VWA3B: variants seen among roughly 807,000 people sequenced by gnomAD.
VWA3B encodes von Willebrand factor A domain-containing protein 3B.
Under a neutral mutation model 158.3 loss-of-function variants are expected in VWA3B, and 138 were observed. That is an observed-to-expected ratio of 0.87 (90% CI 0.76 to 1.00). The LOEUF (loss-of-function observed/expected upper bound fraction) is 1.00, where lower values mean the gene tolerates loss of function less well. Ranked by LOEUF, VWA3B falls within the 50% of genes least tolerant of loss-of-function variation. VWA3B has a pLI of 0.00. For missense variants in VWA3B, 1,555 were observed against 1,565.1 expected (o/e 0.99, Z 0.11); for synonymous variants, 596 against 587.3 (o/e 1.01, Z -0.21).
At chr2:98,235,063 AT>A (rs1685588018) in intron 17 of VWA3B, among the ~76,000 whole-genome samples, 1 of 151,476 alleles carries the variant, frequency 6.6e-6, no homozygotes, top group Non-Finnish European at 1.5e-5. Flanking sequence ...TTCATAGTTG[AT>A]TTTTTTTCTT....
rs755154285 is a variant in VWA3B, at chr2:98,093,080, T to A, written c.-13T>A. On this transcript the variant is annotated 5_prime_UTR_variant, in exon 2 of 28. Coordinates refer to ENST00000477737, the MANE Select transcript of VWA3B (RefSeq NM_144992.5). The stretch of plus-strand genomic sequence containing the variant: ...TTACAGGAGTTTGCTGTGACTTAGA[T>A]CTTGATTCAGAGATGGAGAAATCAG... 1 of 1,611,914 alleles carries A rather than the reference T, an allele frequency of 6.2e-7. No individual in the cohort carries two copies. The highest frequency in any genetic ancestry group is 1.7e-5 in the Admixed American group (1 of 59,892).
At chr2:98,100,956 ACTGGAAAG>A (rs1683036574) in intron 2 of VWA3B, among the ~76,000 whole-genome samples, 3 of 152,168 alleles carry the variant, frequency 2.0e-5, no homozygotes, top group Non-Finnish European at 4.4e-5. Context: ...GGGGACAATC[ACTGGAAAG>A]TCCTGTTTTG....
chr2:98,234,864 T>G, intron 17 of VWA3B, 97 bp downstream of exon 17: 1 of 1,522,096 alleles, frequency 6.6e-7, no homozygotes, highest in Non-Finnish European at 8.8e-7. Context: ...GGAAATCATA[T>G]TTTAAATGGG....
chr2:98,093,058 C>A lies in VWA3B; in HGVS notation c.-32-3C>A, dbSNP rs1682461769. 2 of 1,601,854 alleles carry A rather than the reference C, an allele frequency of 1.2e-6. No individual in the cohort carries two copies. The highest frequency in any genetic ancestry group is 1.3e-5 in the African/African-American group (1 of 74,654). On this transcript the variant is annotated splice_region_variant and splice_polypyrimidine_tract_variant and intron_variant, in intron 1 of 27. Transcript: ENST00000477737. ...AAGTCTGAGTTTATGATTGCCCTTA[C>A]AGGAGTTTGCTGTGACTTAGATCTT...
intron 6 of VWA3B, among the ~76,000 whole-genome samples, chr2:98,129,224 A>AGAGAGTGTGTGTGTGT (rs1370543551): frequency 0.014 from 1,699 of 124,568 alleles, 18 homozygotes; most frequent in Middle Eastern, 0.026. Context: ...AGAGAGAGAG[A>AGAGAGTGTGTGTGTGT]GTGTGTGTGT....
chr2:98,108,293 G>A (rs1347901368), intron 2 of VWA3B, among the ~76,000 whole-genome samples: 1 of 152,074 alleles, frequency 6.6e-6, no homozygotes, highest in Non-Finnish European at 1.5e-5. Context: ...GCTTTGTTTT[G>A]TACATGTTCC....
intron 7 of VWA3B, among the ~76,000 whole-genome samples, chr2:98,153,803 G>T (rs902931450): frequency 2.6e-5 from 4 of 152,202 alleles, no homozygotes; most frequent in African/African-American, 9.6e-5. Context: ...AAGGCTGAGA[G>T]ACTTTAATTC....
At chr2:98,176,595 T>C (rs1558637209) in intron 8 of VWA3B, among the ~76,000 whole-genome samples, 1 of 152,046 alleles carries the variant, frequency 6.6e-6, no homozygotes, top group Non-Finnish European at 1.5e-5. Flanking sequence ...CCCCATGTGG[T>C]GGCCAAGAGT....
intron 8 of VWA3B, among the ~76,000 whole-genome samples, chr2:98,173,734 G>A (rs1419595768): frequency 6.6e-6 from 1 of 152,198 alleles, no homozygotes; most frequent in Admixed American, 6.5e-5. Context: ...TTGGGAGGCC[G>A]AGGTGGGTGG....
chr2:98,173,782 A>T (rs1027215823), intron 8 of VWA3B, among the ~76,000 whole-genome samples: 1 of 152,176 alleles, frequency 6.6e-6, no homozygotes. Context: ...TCTGGCCAAC[A>T]CTGTGAAATC....
chr2:98,251,520 C>T (rs1411216825), intron 20 of VWA3B, among the ~76,000 whole-genome samples: 4 of 152,142 alleles, frequency 2.6e-5, no homozygotes, highest in Non-Finnish European at 4.4e-5. Flanking sequence ...CTTAATTAAT[C>T]CTGGGTGCAC....
At chr2:98,210,235 CAT>C (rs1467256184) in intron 12 of VWA3B, among the ~76,000 whole-genome samples, 1 of 152,148 alleles carries the variant, frequency 6.6e-6, no homozygotes, top group Non-Finnish European at 1.5e-5. Context: ...GAGCGTGCAG[CAT>C]CCTTCTGTGG....
chr2:98,188,915 G>A (rs1432631607), intron 10 of VWA3B, among the ~76,000 whole-genome samples: 2 of 152,208 alleles, frequency 1.3e-5, no homozygotes, highest in Non-Finnish European at 2.9e-5. Flanking sequence ...CCTTGTGGTA[G>A]GAGGCTAAGG....
chr2:98,151,858 T>G (rs1677662995), intron 7 of VWA3B, among the ~76,000 whole-genome samples: 1 of 152,228 alleles, frequency 6.6e-6, no homozygotes, highest in African/African-American at 2.4e-5. Flanking sequence ...TAATGGTAGT[T>G]TCCTTTTTTT....
chr2:98,310,169 A>G (rs773839448), intron 26 of VWA3B, among the ~76,000 whole-genome samples: 15 of 152,192 alleles, frequency 9.9e-5, no homozygotes, highest in Non-Finnish European at 2.1e-4. Flanking sequence ...TGCCTACTCC[A>G]TGGGTCCTCT....
At chr2:98,259,460 T>G (rs1199113097) in intron 21 of VWA3B, among the ~76,000 whole-genome samples, 1 of 151,770 alleles carries the variant, frequency 6.6e-6, no homozygotes, top group Non-Finnish European at 1.5e-5. Flanking sequence ...ATCTATTTCT[T>G]CTTGAGTCAT....
intron 17 of VWA3B, 42 bp from the exon 18 acceptor site, chr2:98,236,348 A>G (rs1368649399): frequency 7.5e-6 from 12 of 1,608,214 alleles, no homozygotes; most frequent in Admixed American, 5.0e-5. Context: ...TGTAAAACCC[A>G]TATGTGAGGA....
rs529780925 is a variant in VWA3B at position 98,160,271 on chromosome 2, T to C, written c.989-2580T>C. 2.0e-5 allele frequency among the ~76,000 whole-genome samples: 3 copies of C among 152,320 alleles called. No homozygotes were observed. The South Asian group carries it at 6.2e-4, about 32-fold the overall frequency. On this transcript the variant is annotated intron_variant, in intron 7 of 27. Coordinates refer to ENST00000477737, the MANE Select transcript of VWA3B (RefSeq NM_144992.5). ...ATAACTTGAAATAAAACCTGTGCATTGTCATGATGCTTTTACTGTTCTGTA... is the reference window on the plus strand; with the variant it reads ...ATAACTTGAAATAAAACCTGTGCATCGTCATGATGCTTTTACTGTTCTGTA...
chr2:98,199,088 A>C (rs983795671), intron 12 of VWA3B, among the ~76,000 whole-genome samples: 1 of 150,756 alleles, frequency 6.6e-6, no homozygotes, highest in African/African-American at 2.4e-5. Context: ...CTCCGTCTCA[A>C]AAAAAAAAAA....
Sources: allele counts gnomAD v4.1 joint callset (sites outside exome capture counted in the v4.1 genomes callset), GRCh38; gene constraint gnomAD v4.1.1; transcripts MANE v1.5; gene names NCBI Gene and HGNC (gene_info 2026-07-23, HGNC 2026-07-21).